The following MACF1 variants were observed in gnomAD, a reference collection of about 807,000 sequenced individuals.
MACF1 encodes the protein microtubule-actin cross-linking factor 1.
Under a neutral mutation model 854.8 loss-of-function variants are expected in MACF1, and 193 were observed. That is an observed-to-expected ratio of 0.23 (90% CI 0.20 to 0.25). The LOEUF is 0.25. Ranked by LOEUF, MACF1 falls within the 10% of genes least tolerant of loss-of-function variation. MACF1 has a pLI of 1.00. For synonymous variants in MACF1, 3,185 were observed against 3,226.7 expected (o/e 0.99, Z 0.44); for missense variants, 7,722 against 8,929.1 (o/e 0.86, Z 5.45).
At chr1:39,410,053 G>A (rs1420606314) in intron 58 of MACF1, 4 of 446,138 alleles carry the variant, frequency 9.0e-6, no homozygotes, top group Non-Finnish European at 1.6e-5. Flanking sequence ...TCAACCATGA[G>A]GCTGCTAGCC....
At chr1:39,484,047 G>A (rs1416023486) in intron 99 of MACF1, among the ~76,000 whole-genome samples, 2 of 152,162 alleles carry the variant, frequency 1.3e-5, no homozygotes, top group East Asian at 1.9e-4. Context: ...CAGCTACTTC[G>A]GAGGCTGAGG....
chr1:39,153,354 C>G (rs936805121), intron 2 of MACF1, among the ~76,000 whole-genome samples: 5 of 152,150 alleles, frequency 3.3e-5, no homozygotes, highest in Non-Finnish European at 5.9e-5. Context: ...ATCCTAAAAG[C>G]AAGTGTTTTT....
intron 58 of MACF1, among the ~76,000 whole-genome samples, chr1:39,391,370 G>A (rs548805389): frequency 1.3e-5 from 2 of 152,168 alleles, no homozygotes; most frequent in East Asian, 3.9e-4. Flanking sequence ...TGAAGTTATT[G>A]TTTAGGGCCT....
intron 2 of MACF1, among the ~76,000 whole-genome samples, chr1:39,142,481 C>T (rs571784411): frequency 6.6e-6 from 1 of 152,270 alleles, no homozygotes; most frequent in South Asian, 2.1e-4. Flanking sequence ...TATGAATGTA[C>T]CTCTAGCTCA....
chr1:39,226,349 T>A (rs1468785607), intron 1 of MACF1, among the ~76,000 whole-genome samples: 1 of 151,878 alleles, frequency 6.6e-6, no homozygotes, highest in Non-Finnish European at 1.5e-5. Flanking sequence ...AGTATTTTTT[T>A]TTTTTTTTTG....
chr1:39,308,512 A>G (rs1646235396), intron 23 of MACF1, among the ~76,000 whole-genome samples: 1 of 151,882 alleles, frequency 6.6e-6, no homozygotes, highest in South Asian at 2.1e-4. Context: ...TTTTTTCTCA[A>G]CTTGAAGAAA....
intron 58 of MACF1, among the ~76,000 whole-genome samples, chr1:39,395,635 A>G (rs886108858): frequency 2.0e-5 from 3 of 152,120 alleles, no homozygotes; most frequent in African/African-American, 7.2e-5. Flanking sequence ...AGGGGAGACT[A>G]CAGTCTCTCA....
At chr1:39,148,468 C>T (rs1281310247) in intron 2 of MACF1, among the ~76,000 whole-genome samples, 1 of 152,114 alleles carries the variant, frequency 6.6e-6, no homozygotes, top group Non-Finnish European at 1.5e-5. Flanking sequence ...GACCAAAAAT[C>T]CTACCATTTA....
At chr1:39,412,746 G>C (rs1288643171) in intron 58 of MACF1, 1 of 1,613,410 alleles carries the variant, frequency 6.2e-7, no homozygotes, top group East Asian at 2.2e-5. Context: ...TAGAGGAATG[G>C]ATACCCGTCC....
chr1:39,296,730 AAAAG>A (rs202187123), intron 20 of MACF1, among the ~76,000 whole-genome samples: 1,411 of 86,934 alleles, frequency 0.016, 53 homozygotes, highest in Non-Finnish European at 0.019. Flanking sequence ...TGTCTAAATA[AAAAG>A]AAAGAAAGAA....
intron 43 of MACF1, among the ~76,000 whole-genome samples, chr1:39,352,719 G>T (rs757790308): frequency 6.6e-6 from 1 of 150,484 alleles, no homozygotes; most frequent in Non-Finnish European, 1.5e-5. Flanking sequence ...GGGTTTCACC[G>T]TGTTGACCAG....
In MACF1 at chr1:39,134,339, C is replaced by T. The variant is rs572085026; in HGVS notation, c.220+49901C>T. On this transcript the variant is annotated intron_variant, in intron 2 of 93. Transcript: ENST00000361689. ...GGGATTACAGGCATGAGCTACCGCA[C>T]CCGGCCAGAAGAACAGTCTTAACAA... Among the ~76,000 whole-genome samples the T allele has an allele frequency of 1.1e-4, 16 of 152,208 alleles. No homozygotes were observed. In the South Asian group the frequency reaches 3.3e-3, roughly 32 times the overall value.
chr1:39,091,840 A>G (rs571698653), intron 2 of MACF1, among the ~76,000 whole-genome samples: 2 of 152,200 alleles, frequency 1.3e-5, no homozygotes, highest in African/African-American at 2.4e-5. Flanking sequence ...TCATTCACTC[A>G]TACACTTGTT....
Position 39,357,726 on chromosome 1 carries a change from G to T in MACF1, c.11776G>T (p.Asp3926Tyr). 6.2e-7 allele frequency: 1 copy of T among 1,614,162 alleles called. No individual in the cohort carries two copies. Among genetic ancestry groups the T allele is most frequent in the African/African-American group, 1.3e-5 (1 of 75,042 alleles). The change falls in exon 45 of 101, where the codon GAT becomes TAT. Residue 3926 changes from aspartate (D) to tyrosine (Y), a missense_variant. Physicochemically the swap from Asp to Tyr is radical, Grantham distance 160. This residue lies in a region of MACF1 where 2,807 missense variants were observed against 3,235.8 expected (regional missense o/e 0.87). Coordinates refer to ENST00000564288, the MANE Select transcript of MACF1 (RefSeq NM_001394062.1). ...LLKRQGSFSEDVISHKGDLRF... is the reference protein window; with the variant it reads ...LLKRQGSFSEYVISHKGDLRF... Reference sequence around the variant, plus strand: ...AAAGCGGCAAGGAAGCTTCTCAGAGGATGTCATTTCCCACAAAGGAGACTT... The same window carrying T: ...AAAGCGGCAAGGAAGCTTCTCAGAGTATGTCATTTCCCACAAAGGAGACTT...
At position 39,324,361 on chromosome 1, in the gene MACF1, A is replaced by C; in HGVS notation, c.4389+16A>C. 6.2e-7 allele frequency: 1 copy of C among 1,612,582 alleles called. No homozygotes were observed. The highest frequency in any genetic ancestry group is 8.5e-7 in the Non-Finnish European group (1 of 1,179,300). On this transcript the variant is annotated intron_variant, in intron 34 of 100. Coordinates refer to ENST00000564288, the MANE Select transcript of MACF1 (RefSeq NM_001394062.1). ...GGAACAGCAGGTGAGAAGAAGGTCCATCTCTGTTTACCTGGGTAGAATAAT... is the reference window on the plus strand; with the variant it reads ...GGAACAGCAGGTGAGAAGAAGGTCCCTCTCTGTTTACCTGGGTAGAATAAT...
At chr1:39,172,819 A>C (rs892495782) in intron 2 of MACF1, among the ~76,000 whole-genome samples, 3 of 152,224 alleles carry the variant, frequency 2.0e-5, no homozygotes, top group African/African-American at 7.2e-5. Context: ...TACTGTGTTC[A>C]TGCAAGGGGT....
chr1:39,425,999 A>G (rs1401563214), intron 61 of MACF1, among the ~76,000 whole-genome samples: 1 of 152,176 alleles, frequency 6.6e-6, no homozygotes, highest in Non-Finnish European at 1.5e-5. Flanking sequence ...CTTCTAAATT[A>G]TTTTTAGCTC....
chr1:39,336,719 C>A, intron 37 of MACF1, 66 bp downstream of exon 37: 1 of 1,422,628 alleles, frequency 7.0e-7, no homozygotes, highest in Non-Finnish European at 9.3e-7. Context: ...AAATTCTTAA[C>A]TGGGTACAGA....
chr1:39,427,762 T>A (rs1041365025), intron 62 of MACF1, 148 bp downstream of exon 62: 4 of 982,468 alleles, frequency 4.1e-6, no homozygotes, highest in Admixed American at 2.9e-5. Flanking sequence ...AGTCACATTC[T>A]TGAAATACAA....
Sources: allele counts gnomAD v4.1 joint callset (sites outside exome capture counted in the v4.1 genomes callset), GRCh38; gene constraint gnomAD v4.1.1; regional missense constraint gnomAD v4.1.1; transcripts MANE v1.5; gene names NCBI Gene and HGNC (gene_info 2026-07-23, HGNC 2026-07-21).